MGAT4C: variants seen among roughly 807,000 people sequenced by gnomAD.
MGAT4C encodes alpha-1,3-mannosyl-glycoprotein 4-beta-N-acetylglucosaminyltransferase C.
Under a neutral mutation model 40.1 loss-of-function variants are expected in MGAT4C, and 19 were observed. That is an observed-to-expected ratio of 0.47 (90% confidence interval 0.33 to 0.70). MGAT4C has a LOEUF of 0.70. Among genes scored for constraint, MGAT4C ranks in the 30% least tolerant of loss-of-function variants. The pLI, the probability that MGAT4C is intolerant of heterozygous loss-of-function variation, is 0.02. For synonymous variants in MGAT4C, 181 were observed against 187.1 expected (o/e 0.97, Z 0.27); for missense variants, 491 against 563.2 (o/e 0.87, Z 1.30).
At chr12:86,448,425 A>C (rs1957373739) in intron 2 of MGAT4C, among the ~76,000 whole-genome samples, 1 of 152,160 alleles carries the variant, frequency 6.6e-6, no homozygotes, top group African/African-American at 2.4e-5. Context: ...GTGCAACTCC[A>C]ACCTAAACCA....
intron 2 of MGAT4C, among the ~76,000 whole-genome samples, chr12:86,018,575 T>C (rs1889330307): frequency 6.6e-6 from 1 of 152,172 alleles, no homozygotes; most frequent in African/African-American, 2.4e-5. Context: ...AGCAAAATCT[T>C]CAGAAAGCCA....
At position 86,682,239 on chromosome 12, in the gene MGAT4C, G is replaced by A. The variant is rs186641507; in HGVS notation, c.-229+44970C>T. On this transcript the variant is annotated intron_variant, in intron 2 of 7. Transcript: ENST00000548651. The stretch of plus-strand genomic sequence containing the variant: ...TAGCAGTAAAACCAGGCAGTAGATA[G>A]GAGTTAATATTTATTAAATAGTATA... 8.7e-3 allele frequency among the ~76,000 whole-genome samples: 1,317 copies of A among 152,084 alleles called. 7 individuals are homozygous for A. The highest frequency in any genetic ancestry group is 0.017 in the Middle Eastern group (5 of 294).
intron 2 of MGAT4C, among the ~76,000 whole-genome samples, chr12:86,701,000 T>C (rs1009353028): frequency 6.6e-6 from 1 of 152,086 alleles, no homozygotes; most frequent in Non-Finnish European, 1.5e-5. Context: ...AGAAAAAATA[T>C]ATTAAAAAGT....
intron 1 of MGAT4C, among the ~76,000 whole-genome samples, chr12:86,070,800 T>C (rs1267330358): frequency 2.0e-5 from 3 of 152,086 alleles, no homozygotes; most frequent in Non-Finnish European, 4.4e-5. Flanking sequence ...TCTAATTTTG[T>C]AGTTGAGTTC....
intron 2 of MGAT4C, among the ~76,000 whole-genome samples, chr12:86,483,349 GA>G (rs1957966948): frequency 6.6e-6 from 1 of 152,066 alleles, no homozygotes; most frequent in South Asian, 2.1e-4. Flanking sequence ...ACAAAAACAA[GA>G]GATATAATTC....
At chr12:86,157,124 A>G (rs530746858) in intron 1 of MGAT4C, among the ~76,000 whole-genome samples, 1 of 86,830 alleles carries the variant, frequency 1.2e-5, no homozygotes, top group East Asian at 3.6e-4. Context: ...TGCTTTAGGC[A>G]AAATATGAAA....
At chr12:86,782,832 C>G (rs1309872638) in intron 1 of MGAT4C, among the ~76,000 whole-genome samples, 1 of 152,132 alleles carries the variant, frequency 6.6e-6, no homozygotes, top group African/African-American at 2.4e-5. Flanking sequence ...TGCGTATGTA[C>G]AAGCCAGAAA....
chr12:86,325,173 T>A (rs114309034), intron 4 of MGAT4C, among the ~76,000 whole-genome samples: 1 of 152,244 alleles, frequency 6.6e-6, no homozygotes, highest in African/African-American at 2.4e-5. Context: ...CAGATATTTA[T>A]TTTTTTAGAT....
chr12:86,423,391 A>G (rs529923750), intron 3 of MGAT4C, among the ~76,000 whole-genome samples: 1 of 150,740 alleles, frequency 6.6e-6, no homozygotes, highest in Non-Finnish European at 1.5e-5. Flanking sequence ...CATTTAAATA[A>G]AAAAAATTAA....
At chr12:86,695,352 C>T (rs1473275776) in intron 2 of MGAT4C, among the ~76,000 whole-genome samples, 1 of 152,120 alleles carries the variant, frequency 6.6e-6, no homozygotes, top group Non-Finnish European at 1.5e-5. Context: ...CTATAGAGAA[C>T]AGTTTGGAGA....
At position 85,980,410 on chromosome 12, in the gene MGAT4C, A is replaced by C. The variant is rs190762233; in HGVS notation, c.316T>G (p.Ser106Ala). 5.0e-5 allele frequency: 80 copies of C among 1,602,252 alleles called. 2 individuals are homozygous for C. In the Middle Eastern group the frequency reaches 1.2e-3, roughly 23 times the overall value. Residue 106 changes from serine to alanine, a missense_variant, in exon 5 of 5, where the codon TCT (serine) becomes GCT (alanine). By Grantham distance (99) the Ser-to-Ala change is moderately conservative. Transcript: ENST00000611864. The stretch of plus-strand genomic sequence containing the variant: ...TTTCCTTTTTTTCGCTTTACTGAAG[A>C]AAGTCCAATTGTAAGATACCCTGCA... The part of the protein sequence containing the change: ...QRKRYLTIGL[S>A]SVKRKKGNYL...
chr12:86,676,870 A>G (rs1593104816), intron 2 of MGAT4C, among the ~76,000 whole-genome samples: 1 of 152,282 alleles, frequency 6.6e-6, no homozygotes, highest in East Asian at 1.9e-4. Flanking sequence ...AAATGATGAT[A>G]GAAATTGAGA....
At chr12:86,130,941 G>A (rs1457944911) in intron 1 of MGAT4C, among the ~76,000 whole-genome samples, 1 of 151,718 alleles carries the variant, frequency 6.6e-6, no homozygotes, top group East Asian at 1.9e-4. Flanking sequence ...ATTATTACTA[G>A]TACTATTTCT....
At chr12:86,319,111 G>A (rs1000048934) in intron 4 of MGAT4C, among the ~76,000 whole-genome samples, 1 of 152,034 alleles carries the variant, frequency 6.6e-6, no homozygotes, top group Non-Finnish European at 1.5e-5. Flanking sequence ...ACAGACCACA[G>A]ATAACTACCT....
At chr12:86,824,968 A>G (rs1952778697) in intron 1 of MGAT4C, among the ~76,000 whole-genome samples, 1 of 151,340 alleles carries the variant, frequency 6.6e-6, no homozygotes, top group African/African-American at 2.4e-5. Context: ...AAAGGTTTTG[A>G]ATACACAAGA....
intron 1 of MGAT4C, among the ~76,000 whole-genome samples, chr12:86,236,258 C>T (rs1280697209): frequency 6.6e-6 from 1 of 152,010 alleles, no homozygotes; most frequent in African/African-American, 2.4e-5. Context: ...CTATCAGAGG[C>T]CTGGATTCTT....
chr12:86,774,281 C>CTCTT (rs6144795), intron 1 of MGAT4C, among the ~76,000 whole-genome samples: 1,754 of 58,914 alleles, frequency 0.03, 160 homozygotes, highest in East Asian at 0.074. Flanking sequence ...CTAAGGCTTG[C>CTCTT]TCTTTCTTTC....
intron 2 of MGAT4C, among the ~76,000 whole-genome samples, chr12:86,492,556 T>A (rs978503496): frequency 6.6e-6 from 1 of 152,222 alleles, no homozygotes; most frequent in Non-Finnish European, 1.5e-5. Flanking sequence ...AAGGATTCCC[T>A]ATTTAATAAA....
chr12:86,182,569 C>T (rs1263450721), intron 1 of MGAT4C, among the ~76,000 whole-genome samples: 2 of 151,838 alleles, frequency 1.3e-5, no homozygotes, highest in Non-Finnish European at 2.9e-5. Flanking sequence ...CTCTTCCTCC[C>T]TTCCTTTCTT....
Sources: gnomAD v4.1 joint callset for allele counts (sites outside exome capture counted in the v4.1 genomes callset) on GRCh38, gnomAD v4.1.1 for gene constraint, MANE v1.5 for transcripts, NCBI Gene and HGNC (gene_info 2026-07-23, HGNC 2026-07-21) for gene names.